Variants in CNTNAP4 observed in about 807,000 individuals in gnomAD.
The protein encoded by CNTNAP4 is contactin associated protein family member 4.
CNTNAP4 carries 98 observed loss-of-function variants against 148.4 expected under a neutral mutation model. The observed-to-expected ratio is 0.66, with a 90% CI of 0.56 to 0.78. The LOEUF (loss-of-function observed/expected upper bound fraction) is 0.78. Among genes scored for constraint, CNTNAP4 ranks in the 30% least tolerant of loss-of-function variants. CNTNAP4 has a pLI of 0.00. For missense variants in CNTNAP4, 1,935 were observed against 1,565.6 expected (o/e 1.24, Z -3.98); for synonymous variants, 730 against 565.1 (o/e 1.29, Z -4.14).
chr16:76,424,732 C>G (rs144682707), intron 3 of CNTNAP4, among the ~76,000 whole-genome samples: 51 of 151,778 alleles, frequency 3.4e-4, no homozygotes, highest in African/African-American at 1.1e-3. Flanking sequence ...GCACTCCAGC[C>G]TGGGTGACAG....
intron 3 of CNTNAP4, among the ~76,000 whole-genome samples, chr16:76,418,922 A>G (rs2079081827): frequency 6.6e-6 from 1 of 152,028 alleles, no homozygotes; most frequent in Non-Finnish European, 1.5e-5. Flanking sequence ...GGTTCATCTA[A>G]TGCACTTATT....
chr16:76,354,552 C>T (rs2012316130), intron 2 of CNTNAP4, among the ~76,000 whole-genome samples: 1 of 152,134 alleles, frequency 6.6e-6, no homozygotes, highest in Admixed American at 6.6e-5. Flanking sequence ...GGGGTGAGGG[C>T]AGGTGCTTAT....
intron 9 of CNTNAP4, among the ~76,000 whole-genome samples, chr16:76,465,742 T>C (rs991220506): frequency 6.6e-6 from 1 of 152,204 alleles, no homozygotes; most frequent in Non-Finnish European, 1.5e-5. Context: ...GCTGGAAATG[T>C]GTGTAGTACC....
At chr16:76,358,293 A>G (rs8050103) in intron 3 of CNTNAP4, among the ~76,000 whole-genome samples, 66,347 of 152,010 alleles carry the variant, frequency 0.44, 15,190 homozygotes, top group Admixed American at 0.55. Flanking sequence ...CTGAGATTGC[A>G]CCACTGCACT....
At chr16:76,343,978 C>T (rs756618432) in intron 2 of CNTNAP4, among the ~76,000 whole-genome samples, 14 of 152,054 alleles carry the variant, frequency 9.2e-5, no homozygotes, top group Non-Finnish European at 1.8e-4. Context: ...CCAGGGTGCA[C>T]GGATGTTACA....
intron 2 of CNTNAP4, among the ~76,000 whole-genome samples, chr16:76,334,073 C>A (rs186811985): frequency 2.0e-5 from 3 of 151,670 alleles, no homozygotes; most frequent in Admixed American, 2.0e-4. Context: ...GTAGATATAC[C>A]TAACACTAAA....
chr16:76,309,897 A>G (rs571185033), intron 1 of CNTNAP4: 71 of 701,856 alleles, frequency 1.0e-4, no homozygotes, highest in South Asian at 1.0e-3. Flanking sequence ...CTTCCCAGCT[A>G]TGTGGAACTG....
rs2085300448 is a variant in CNTNAP4, at chr16:76,558,761, C to G, written c.*78C>G. 9 of 1,095,768 alleles carry G rather than the reference C, an allele frequency of 8.2e-6. No homozygotes were observed. Among genetic ancestry groups the G allele is most frequent in the Non-Finnish European group, 1.2e-5 (9 of 767,868 alleles). 67.9% of individuals were successfully genotyped at this position (1,095,768 alleles called of 1,614,324 possible). A position where few individuals can be genotyped will look rare whatever the true frequency, so the allele number is the denominator to read the frequency against. ...GGTTCTCAATGGAAAAACGAATGCT[C>G]TTACACTGAATGTACAGGCAGTGGG... On this transcript the variant is annotated 3_prime_UTR_variant, in exon 24 of 24. Transcript: ENST00000611870.
intron 2 of CNTNAP4, among the ~76,000 whole-genome samples, chr16:76,345,487 G>GC (rs1964827331): frequency 6.6e-6 from 1 of 152,222 alleles, no homozygotes; most frequent in African/African-American, 2.4e-5. Context: ...TTGGGAGAGG[G>GC]ATTGAACTCA....
chr16:76,469,070 G>A (rs892551282), intron 10 of CNTNAP4, among the ~76,000 whole-genome samples: 1 of 152,070 alleles, frequency 6.6e-6, no homozygotes, highest in Non-Finnish European at 1.5e-5. Context: ...GGACCACTCA[G>A]TAATATTTGT....
At chr16:76,497,930 A>T (rs2082460048) in intron 14 of CNTNAP4, among the ~76,000 whole-genome samples, 1 of 152,234 alleles carries the variant, frequency 6.6e-6, no homozygotes, top group African/African-American at 2.4e-5. Flanking sequence ...GGTAGACCTC[A>T]AACTGCAGTA....
chr16:76,296,515 GT>G (rs1177679469), intron 1 of CNTNAP4, among the ~76,000 whole-genome samples: 2 of 152,156 alleles, frequency 1.3e-5, no homozygotes, highest in African/African-American at 4.8e-5. Flanking sequence ...TTTATAATGT[GT>G]TCTTCAAGTT....
chr16:76,329,698 C>G (rs868723292), intron 2 of CNTNAP4, among the ~76,000 whole-genome samples: 1 of 152,064 alleles, frequency 6.6e-6, no homozygotes, highest in Non-Finnish European at 1.5e-5. Context: ...TTGTTATTTT[C>G]TGCTACTTTT....
intron 13 of CNTNAP4, among the ~76,000 whole-genome samples, chr16:76,493,656 T>C (rs1005656558): frequency 3.3e-5 from 5 of 152,236 alleles, no homozygotes; most frequent in African/African-American, 1.2e-4. Flanking sequence ...AAGCAGTATA[T>C]TGAAATATAT....
At chr16:76,283,183 C>G (rs1159878548) in intron 1 of CNTNAP4, among the ~76,000 whole-genome samples, 3 of 151,900 alleles carry the variant, frequency 2.0e-5, no homozygotes, top group Non-Finnish European at 2.9e-5. Flanking sequence ...CAGCTCTGCT[C>G]TACAAATACC....
At chr16:76,333,980 G>GTTTTGA (rs1963788466) in intron 2 of CNTNAP4, among the ~76,000 whole-genome samples, 1 of 151,472 alleles carries the variant, frequency 6.6e-6, no homozygotes, top group Non-Finnish European at 1.5e-5. Context: ...TCTCATTGTG[G>GTTTTGA]TTTTGATTTG....
rs534903730 is a variant in CNTNAP4, at chr16:76,420,208, G to A, written c.391-7244G>A. Among the ~76,000 whole-genome samples, 15 of 150,314 alleles carry A rather than the reference G, an allele frequency of 1.0e-4. 1 individual carries two copies. The South Asian group carries it at 3.2e-3, about 32-fold the overall frequency. ...TCTAACAGAATAATATGTATATTCT[G>A]TAGAATATATATTAGAATAATGTAT... On this transcript the variant is annotated intron_variant, in intron 3 of 23. Coordinates refer to ENST00000611870, the MANE Select transcript of CNTNAP4 (RefSeq NM_033401.5).
chr16:76,376,190 C>CA (rs200676851), intron 3 of CNTNAP4, among the ~76,000 whole-genome samples: 2,455 of 151,286 alleles, frequency 0.016, 54 homozygotes, highest in African/African-American at 0.052. Flanking sequence ...CAATTAAATG[C>CA]AAAAAAAATA....
chr16:76,464,770 G>C (rs2081118013), intron 9 of CNTNAP4, among the ~76,000 whole-genome samples: 2 of 152,168 alleles, frequency 1.3e-5, no homozygotes, highest in South Asian at 2.1e-4. Flanking sequence ...TGCCACACCA[G>C]ACTTCTCTTA....
Sources: gnomAD v4.1 joint callset for allele counts (sites outside exome capture counted in the v4.1 genomes callset) on GRCh38, gnomAD v4.1.1 for gene constraint, MANE v1.5 for transcripts, NCBI Gene and HGNC (gene_info 2026-07-23, HGNC 2026-07-21) for gene names.